The following MMGT1 variants were observed in gnomAD, a reference collection of about 807,000 sequenced individuals.
MMGT1 encodes the protein ER membrane protein complex subunit 5.
Under a neutral mutation model 11.7 loss-of-function variants are expected in MMGT1, and 2 were observed. The observed-to-expected ratio is 0.17, with a 90% CI of 0.07 to 0.54. The LOEUF (loss-of-function observed/expected upper bound fraction) is 0.54. Ranked by LOEUF, MMGT1 falls within the 20% of genes least tolerant of loss-of-function variation. The pLI, the probability that MMGT1 is intolerant of heterozygous loss-of-function variation, is 0.94. For missense variants in MMGT1, 74 were observed against 109.0 expected, an observed-to-expected ratio of 0.68 and a Z score of 1.43; for synonymous variants, 49 against 44.4, an observed-to-expected ratio of 1.10 and a Z score of -0.41.
At chrX:135,968,245 T>C (rs1315218409) in intron 2 of MMGT1, among the ~76,000 whole-genome samples, 3 of 111,536 alleles carry the variant, frequency 2.7e-5, no homozygotes, top group Admixed American at 9.5e-5. Flanking sequence ...GCTTAAGAAA[T>C]AGATCATTCC....
Position 135,961,999 on chromosome X carries a change from T to C in MMGT1, c.*3025A>G, listed in dbSNP as rs932769448. Reference sequence around the variant, plus strand: ...GTCATAAAATTAGCTCTTACATTTTTCTGGGGACAGAAAAGCAGAAGAAAT... The same window carrying C: ...GTCATAAAATTAGCTCTTACATTTTCCTGGGGACAGAAAAGCAGAAGAAAT... On this transcript the variant is annotated 3_prime_UTR_variant, in exon 4 of 4. Transcript: ENST00000305963. 1.8e-5 allele frequency: 2 copies of C among 110,008 alleles called. No individual in the cohort carries two copies. Among genetic ancestry groups the C allele is most frequent in the Admixed American group, 9.7e-5 (1 of 10,292 alleles). The allele number at this position is 110,008 out of a possible 1,213,427, so 9.1% of individuals were successfully genotyped here. A position where few individuals can be genotyped will look rare whatever the true frequency, so the allele number is the denominator to read the frequency against.
At chrX:135,967,552 AT>A in intron 2 of MMGT1, 59 bp from the exon 3 acceptor site, 1 of 691,083 alleles carries the variant, frequency 1.4e-6, no homozygotes, top group Non-Finnish European at 2.2e-6. Flanking sequence ...AATATTTACA[AT>A]TTTCTCTCTA....
Position 135,973,807 on chromosome X carries a change from T to G in MMGT1, c.-132A>C. The G allele has an allele frequency of 8.6e-7, 1 of 1,161,548 alleles. No homozygotes were observed. Among genetic ancestry groups the G allele is most frequent in the African/African-American group, 1.8e-5 (1 of 54,844 alleles). ...TCCTGAGCGCAAAGTGTCTCAGTGG[T>G]GGAAAAGCCAGAGGGCTGTGAGAAA... On this transcript the variant is annotated 5_prime_UTR_variant, in exon 1 of 4. Coordinates refer to ENST00000305963, the MANE Select transcript of MMGT1 (RefSeq NM_173470.3).
chrX:135,965,112 G>A lies in MMGT1; in HGVS notation c.308C>T (p.Pro103Leu). The A allele has an allele frequency of 8.3e-7, 1 of 1,206,322 alleles. No homozygotes were observed. The highest frequency in any genetic ancestry group is 1.1e-6 in the Non-Finnish European group (1 of 890,690). ...GTTTGAAGAATTTGCTGTATCCGAAGGCCGGAAAAGTACTCGACCACGATG... is the reference window on the plus strand; with the variant it reads ...GTTTGAAGAATTTGCTGTATCCGAAAGCCGGAAAAGTACTCGACCACGATG... ...FNHRGRVLFR[P>L]SDTANSSNQD... The change falls in exon 4 of 4, where the codon CCT becomes CTT. Residue 103 changes from proline (P) to leucine (L), a missense_variant. Transcript: ENST00000305963.
Position 135,964,927 on chromosome X carries a change from A to G in MMGT1, c.*97T>C. On this transcript the variant is annotated 3_prime_UTR_variant, in exon 4 of 4. Transcript: ENST00000305963. ...TTACTAAAGTAGGTCTGAAAGATCA[A>G]TATAAATACTAATGGGGGCAGGGAG... 2.7e-6 allele frequency: 2 copies of G among 747,753 alleles called. No individual in the cohort carries two copies. Among genetic ancestry groups the G allele is most frequent in the Non-Finnish European group, 3.9e-6 (2 of 510,904 alleles). The allele number at this position is 747,753 out of a possible 1,213,427, so 61.6% of individuals were successfully genotyped here.
chrX:135,973,574 G>A, intron 1 of MMGT1, 23 bp downstream of exon 1: 1 of 1,149,335 alleles, frequency 8.7e-7, no homozygotes, highest in Non-Finnish European at 1.2e-6. Context: ...CACCGAAGCG[G>A]TCCCCGTGCC....
rs1556611315 is a variant in MMGT1 at position 135,960,970 on chromosome X, G to A, written c.*4054C>T. On this transcript the variant is annotated 3_prime_UTR_variant, in exon 4 of 4. Transcript: ENST00000305963. Reference sequence around the variant, plus strand: ...CTTCAAAAGTTTAGTACCCAGTATTGGCATGGGTTTGGTAAATAATCATTC... The same window carrying A: ...CTTCAAAAGTTTAGTACCCAGTATTAGCATGGGTTTGGTAAATAATCATTC... Among the ~76,000 whole-genome samples, 1 of 112,076 alleles carries A rather than the reference G, an allele frequency of 8.9e-6. No homozygotes were observed. Among genetic ancestry groups the A allele is most frequent in the Non-Finnish European group, 1.9e-5 (1 of 53,133 alleles).
Position 135,961,515 on chromosome X carries a change from G to A in MMGT1, c.*3509C>T, listed in dbSNP as rs2089155056. On this transcript the variant is annotated 3_prime_UTR_variant, in exon 4 of 4. Coordinates refer to ENST00000305963, the MANE Select transcript of MMGT1 (RefSeq NM_173470.3). ...CTGTACCATCTGATCTTTTCGCCATGTGCATACATCATCTTTCTTGCCCCC... is the reference window on the plus strand; with the variant it reads ...CTGTACCATCTGATCTTTTCGCCATATGCATACATCATCTTTCTTGCCCCC... 9.0e-6 allele frequency among the ~76,000 whole-genome samples: 1 copy of A among 111,374 alleles called. No homozygotes were observed. Among genetic ancestry groups the A allele is most frequent in the Non-Finnish European group, 1.9e-5 (1 of 53,030 alleles).
chrX:135,964,965 C>T lies in MMGT1; in HGVS notation c.*59G>A. ...TGGGGGCAGGGAGGAGTGTTTTATA[C>T]CCCAAACTCCAATATTCCAGCTCTG... On this transcript the variant is annotated 3_prime_UTR_variant, in exon 4 of 4. Transcript: ENST00000305963. 1 of 1,076,604 alleles carries T rather than the reference C, an allele frequency of 9.3e-7. No individual in the cohort carries two copies. The highest frequency in any genetic ancestry group is 2.0e-5 in the South Asian group (1 of 49,011). 88.7% of individuals were successfully genotyped at this position (1,076,604 alleles called of 1,213,427 possible). A position where few individuals can be genotyped will look rare whatever the true frequency, so the allele number is the denominator to read the frequency against.
At chrX:135,965,815 A>C (rs1347666042) in intron 3 of MMGT1, among the ~76,000 whole-genome samples, 1 of 112,115 alleles carries the variant, frequency 8.9e-6, no homozygotes, top group Non-Finnish European at 1.9e-5. Flanking sequence ...CGCATGTCGA[A>C]TAGTCTTTTT....
At chrX:135,973,138 G>C (rs782570769) in intron 1 of MMGT1, among the ~76,000 whole-genome samples, 3 of 111,824 alleles carry the variant, frequency 2.7e-5, no homozygotes, top group Non-Finnish European at 5.6e-5. Context: ...TAGACTCCCA[G>C]TCCAGTGCTC....
At chrX:135,970,367 C>CA (rs1395981303) in intron 2 of MMGT1, among the ~76,000 whole-genome samples, 3 of 108,985 alleles carry the variant, frequency 2.8e-5, no homozygotes, top group Non-Finnish European at 5.7e-5. Context: ...AACATTGTCT[C>CA]AAAAAAAAGA....
In MMGT1 at chrX:135,963,275, A is replaced by G. The variant is rs1179292996; in HGVS notation, c.*1749T>C. The G allele has an allele frequency of 9.0e-6, 1 of 111,663 alleles. No homozygotes were observed. The highest frequency in any genetic ancestry group is 3.3e-5 in the African/African-American group (1 of 30,685). 9.2% of individuals were successfully genotyped at this position (111,663 alleles called of 1,213,427 possible). On this transcript the variant is annotated 3_prime_UTR_variant, in exon 4 of 4. Coordinates refer to ENST00000305963, the MANE Select transcript of MMGT1 (RefSeq NM_173470.3). ...AAAACCACTAAATTGTACCCTTAAA[A>G]TAAGTGAATTGTAAGGTATGTGAAT...
At position 135,961,114 on chromosome X, in the gene MMGT1, T is replaced by C. The variant is rs1355935305; in HGVS notation, c.*3910A>G. 2.7e-5 allele frequency among the ~76,000 whole-genome samples: 3 copies of C among 111,899 alleles called. No individual in the cohort carries two copies. Among genetic ancestry groups the C allele is most frequent in the Non-Finnish European group, 5.7e-5 (3 of 53,094 alleles). On this transcript the variant is annotated 3_prime_UTR_variant, in exon 4 of 4. Coordinates refer to ENST00000305963, the MANE Select transcript of MMGT1 (RefSeq NM_173470.3). ...CCAGCAATTGTATTGCTAGGTACAC[T>C]GTAGAATAAAAACTCATTATATGTA...
At chrX:135,970,385 C>T (rs1000519796) in intron 2 of MMGT1, among the ~76,000 whole-genome samples, 11 of 111,111 alleles carry the variant, frequency 9.9e-5, no homozygotes, top group Non-Finnish European at 5.7e-5. Flanking sequence ...AGAAAAAAAA[C>T]TAAAACCACT....
chrX:135,971,954 G>T (rs2089222133), intron 1 of MMGT1, among the ~76,000 whole-genome samples: 1 of 112,187 alleles, frequency 8.9e-6, no homozygotes, highest in Non-Finnish European at 1.9e-5. Context: ...TAGAATCAAA[G>T]AAATACAGTA....
At chrX:135,969,815 TAC>T (rs1474390487) in intron 2 of MMGT1, among the ~76,000 whole-genome samples, 11 of 112,311 alleles carry the variant, frequency 9.8e-5, no homozygotes, top group African/African-American at 3.2e-4. Flanking sequence ...TAGGTAAAAC[TAC>T]ACATACATAA....
chrX:135,965,805 C>G (rs1201265101), intron 3 of MMGT1, among the ~76,000 whole-genome samples: 2 of 111,715 alleles, frequency 1.8e-5, no homozygotes. Context: ...CTAACAGTAA[C>G]GCATGTCGAA....
Position 135,965,008 on chromosome X carries a change from A to G in MMGT1, c.*16T>C. Reference sequence around the variant, plus strand: ...CAGCTCTGTGTCCTGTCCTATTATTATAATTTGTAAAAATCTTAACGACGC... The same window carrying G: ...CAGCTCTGTGTCCTGTCCTATTATTGTAATTTGTAAAAATCTTAACGACGC... On this transcript the variant is annotated 3_prime_UTR_variant, in exon 4 of 4. Transcript: ENST00000305963. 1 of 1,200,895 alleles carries G rather than the reference A, an allele frequency of 8.3e-7. No individual in the cohort carries two copies. Among genetic ancestry groups the G allele is most frequent in the Non-Finnish European group, 1.1e-6 (1 of 886,773 alleles).
Sources: gnomAD v4.1 joint callset for allele counts (sites outside exome capture counted in the v4.1 genomes callset) on GRCh38, gnomAD v4.1.1 for gene constraint, MANE v1.5 for transcripts, NCBI Gene and HGNC (gene_info 2026-07-23, HGNC 2026-07-21) for gene names.